FAM53A: variants seen among roughly 807,000 people sequenced by gnomAD.
FAM53A encodes the protein protein FAM53A.
FAM53A carries 28 observed loss-of-function variants against 26.6 expected under a neutral mutation model. The observed-to-expected ratio is 1.05, with a 90% CI of 0.78 to 1.45. FAM53A has a LOEUF of 1.45. Among genes scored for constraint, FAM53A ranks in the 40% most tolerant of loss-of-function variants. The pLI is 0.00. For synonymous variants in FAM53A, 290 were observed against 253.1 expected (o/e 1.15, Z -1.38); for missense variants, 650 against 575.8 (o/e 1.13, Z -1.32).
In FAM53A at chr4:1,630,252, G is replaced by C. The variant is rs780056994; in HGVS notation, c.432-12141C>G. Among the ~76,000 whole-genome samples, 5 of 152,216 alleles carry C rather than the reference G, an allele frequency of 3.3e-5. No individual in the cohort carries two copies. The highest frequency in any genetic ancestry group is 5.9e-5 in the Non-Finnish European group (4 of 68,036). On this transcript the variant is annotated intron_variant, in intron 1 of 1. Transcript: ENST00000489029. This position sits in a 1 kb window ranked among gnomAD's most constrained non-coding sequence, Gnocchi z 4.3. ...CTGGTGCCACCTGCTGCAGGGGCCT[G>C]AGACACCCTGTCCTCTGAGCTGCCC...
chr4:1,632,697 G>A (rs183221551), intron 1 of FAM53A, among the ~76,000 whole-genome samples: 62 of 152,352 alleles, frequency 4.1e-4, no homozygotes, highest in African/African-American at 1.5e-3. Context: ...CTCCACAGGC[G>A]TGCATGCACG....
chr4:1,622,017 G>A (rs1048468582), intron 1 of FAM53A, among the ~76,000 whole-genome samples: 3 of 152,138 alleles, frequency 2.0e-5, no homozygotes, highest in Admixed American at 6.5e-5. Flanking sequence ...GGCAGGTTCC[G>A]ACCCCATCTG....
intron 4 of FAM53A, among the ~76,000 whole-genome samples, chr4:1,644,010 G>A (rs539000457): frequency 2.0e-4 from 31 of 152,344 alleles, no homozygotes; most frequent in African/African-American, 6.7e-4. Context: ...ATGAGGATGT[G>A]GCTGGTCTGC....
intron 1 of FAM53A, among the ~76,000 whole-genome samples, chr4:1,619,301 G>A (rs1007323630): frequency 3.3e-5 from 5 of 152,228 alleles, no homozygotes; most frequent in Admixed American, 6.5e-5. Flanking sequence ...AGCTGGAGAG[G>A]GAACGGCACG....
chr4:1,666,727 C>A (rs1015397322), intron 2 of FAM53A, among the ~76,000 whole-genome samples: 2 of 152,276 alleles, frequency 1.3e-5, no homozygotes, highest in Admixed American at 1.3e-4. Context: ...TGGGGCCAGG[C>A]GCAGTGGCTC....
chr4:1,638,691 G>A (rs908824376), downstream of FAM53A, among the ~76,000 whole-genome samples: 2 of 152,250 alleles, frequency 1.3e-5, no homozygotes, highest in Admixed American at 6.5e-5. Flanking sequence ...GGGGGCGGCT[G>A]GTGACTGCAC....
the FAM53A span, among the ~76,000 whole-genome samples, chr4:1,592,209 A>G: frequency 4.6e-5 from 7 of 151,438 alleles, no homozygotes; most frequent in East Asian, 3.9e-4. Flanking sequence ...CACCCCAGGG[A>G]AAAAAAAATG....
intron 4 of FAM53A, among the ~76,000 whole-genome samples, chr4:1,652,290 CCA>C (rs781439903): frequency 1.2e-4 from 17 of 144,986 alleles, no homozygotes; most frequent in East Asian, 2.1e-4. Context: ...CACACACATG[CCA>C]CACACACACA....
chr4:1,603,359 C>A, the FAM53A span, among the ~76,000 whole-genome samples: 1 of 152,210 alleles, frequency 6.6e-6, no homozygotes, highest in Non-Finnish European at 1.5e-5. Flanking sequence ...AGGGGCGAGA[C>A]GGCTCCCCTC....
chr4:1,646,218 A>G (rs1712230634), intron 4 of FAM53A, among the ~76,000 whole-genome samples: 2 of 151,856 alleles, frequency 1.3e-5, no homozygotes, highest in African/African-American at 4.8e-5. Flanking sequence ...CTCCTGCCTC[A>G]GCCTCCCAAG....
intron 1 of FAM53A, among the ~76,000 whole-genome samples, chr4:1,680,890 T>C (rs78699566): frequency 0.016 from 2,500 of 152,272 alleles, 78 homozygotes; most frequent in African/African-American, 0.056. Flanking sequence ...TGCATGATAC[T>C]ATAATGGTTG....
the FAM53A span, among the ~76,000 whole-genome samples, chr4:1,590,181 C>CT: frequency 3.9e-5 from 6 of 151,908 alleles, no homozygotes; most frequent in Admixed American, 6.6e-5. Flanking sequence ...CTGGACTTTC[C>CT]TTTTTTTTAC....
the FAM53A span, among the ~76,000 whole-genome samples, chr4:1,577,259 G>C: frequency 6.6e-6 from 1 of 152,204 alleles, no homozygotes; most frequent in Admixed American, 6.5e-5. Flanking sequence ...CAGACGAATG[G>C]ACCTGCCCCC....
chr4:1,616,179 A>G (rs1334916336), downstream of FAM53A, among the ~76,000 whole-genome samples: 1 of 152,220 alleles, frequency 6.6e-6, no homozygotes, highest in East Asian at 1.9e-4. Context: ...GCGACATGAG[A>G]TGCAAAATCA....
chr4:1,601,280 G>T, the FAM53A span, among the ~76,000 whole-genome samples: 2 of 46,296 alleles, frequency 4.3e-5, 1 homozygote, highest in Non-Finnish European at 1.4e-4. Flanking sequence ...GCACTTTCCT[G>T]GGCACTGCTT....
chr4:1,644,834 C>T lies in FAM53A; in HGVS notation c.883-3227G>A, dbSNP rs536955132. On this transcript the variant is annotated intron_variant, in intron 4 of 4. Transcript: ENST00000308132. ...GTGGGTTAACTCAGCTACCGGAAGC[C>T]GGTGAGACCCTGGAAGGTCAGGGAA... is the stretch of plus-strand genomic sequence containing the variant. The T allele has an allele frequency of 1.6e-3, 249 of 155,020 alleles. 1 individual carries two copies. Among genetic ancestry groups the T allele is most frequent in the Non-Finnish European group, 2.8e-3 (192 of 69,740 alleles). 9.6% of individuals were successfully genotyped at this position (155,020 alleles called of 1,614,324 possible).
Position 1,679,557 on chromosome 4 carries a change from G to A in FAM53A, c.-165+4676C>T, listed in dbSNP as rs544626767. Among the ~76,000 whole-genome samples the A allele has an allele frequency of 1.2e-3, 181 of 148,928 alleles. 1 individual carries two copies. The highest frequency in any genetic ancestry group is 1.9e-3 in the Non-Finnish European group (131 of 67,274). On this transcript the variant is annotated intron_variant, in intron 1 of 4. Transcript: ENST00000308132. ...AAAAATTAGCCTGGCGTGGTGGCAC[G>A]CACCTGTAATCCCAGCTACTCGGGA...
the FAM53A span, among the ~76,000 whole-genome samples, chr4:1,590,628 G>A: frequency 1.3e-4 from 19 of 151,888 alleles, no homozygotes; most frequent in African/African-American, 3.4e-4. Flanking sequence ...GAAGCCATCC[G>A]TTCCCAATAT....
intron 1 of FAM53A, among the ~76,000 whole-genome samples, chr4:1,675,853 G>C (rs1416402849): frequency 1.3e-5 from 2 of 152,130 alleles, no homozygotes; most frequent in African/African-American, 4.8e-5. Flanking sequence ...GTGCCCTGCA[G>C]ACCCCTAGGA....
Sources: gnomAD v4.1 joint callset for allele counts (sites outside exome capture counted in the v4.1 genomes callset) on GRCh38, gnomAD v4.1.1 for gene constraint, Gnocchi (gnomAD v3.1) non-coding constraint, MANE v1.5 for transcripts, NCBI Gene and HGNC (gene_info 2026-07-23, HGNC 2026-07-21) for gene names.